Variants in AOAH observed in about 807,000 individuals in gnomAD.
AOAH encodes acyloxyacyl hydrolase.
Under a neutral mutation model 92.2 loss-of-function variants are expected in AOAH, and 64 were observed. The observed-to-expected ratio is 0.69, with a 90% CI of 0.57 to 0.86. AOAH has a LOEUF of 0.86. Among genes scored for constraint, AOAH ranks in the 40% least tolerant of loss-of-function variants. The probability of loss-of-function intolerance (pLI) is 0.00; values close to 1 mark genes in which losing one functional copy is unlikely to be tolerated. For missense variants in AOAH, 656 were observed against 694.6 expected (o/e 0.94, Z 0.62); for synonymous variants, 263 against 254.5 (o/e 1.03, Z -0.32).
At chr7:36,659,822 A>G (rs557893545) in intron 3 of AOAH, among the ~76,000 whole-genome samples, 2 of 138,162 alleles carry the variant, frequency 1.4e-5, no homozygotes, top group South Asian at 2.2e-4. Context: ...AAGCTCGGCC[A>G]TTATAACCCC....
chr7:36,597,619 C>T (rs1790225483), intron 11 of AOAH, among the ~76,000 whole-genome samples: 1 of 152,128 alleles, frequency 6.6e-6, no homozygotes, highest in African/African-American at 2.4e-5. Flanking sequence ...GGTTCTTTTC[C>T]ACCCCACTCC....
At position 36,637,919 on chromosome 7, in the gene AOAH, A is replaced by G; in HGVS notation, c.391-9T>C. On this transcript the variant is annotated splice_polypyrimidine_tract_variant and intron_variant, in intron 4 of 20. Coordinates refer to ENST00000617537, the MANE Select transcript of AOAH (RefSeq NM_001637.4). ...GTAAATTTCCATGTCTCCTATAAAA[A>G]CAAAGTTAGAGAACATTACAACTCA... 6.2e-7 allele frequency: 1 copy of G among 1,606,648 alleles called. No individual in the cohort carries two copies. Among genetic ancestry groups the G allele is most frequent in the South Asian group, 1.1e-5 (1 of 90,856 alleles).
chr7:36,637,754 A>G, intron 5 of AOAH, 97 bp downstream of exon 5: 1 of 1,088,306 alleles, frequency 9.2e-7, no homozygotes, highest in African/African-American at 1.6e-5. Context: ...GCAGGCTTAT[A>G]TCCGGAGTAG....
intron 4 of AOAH, among the ~76,000 whole-genome samples, chr7:36,640,220 A>G (rs1323752709): frequency 3.9e-5 from 6 of 152,166 alleles, no homozygotes; most frequent in African/African-American, 1.2e-4. Context: ...CTGATCCCAG[A>G]TGGACATCCA....
At chr7:36,598,446 A>G (rs182335957) in intron 11 of AOAH, 139 of 152,356 alleles carry the variant, frequency 9.1e-4, no homozygotes, top group African/African-American at 3.2e-3. Flanking sequence ...CTTGGGGAAG[A>G]TGTATTTCAG....
rs182488781 is a variant in AOAH at position 36,635,009 on chromosome 7, A to G, written c.450+2842T>C. On this transcript the variant is annotated intron_variant, in intron 5 of 20. Coordinates refer to ENST00000617537, the MANE Select transcript of AOAH (RefSeq NM_001637.4). Reference sequence around the variant, plus strand: ...TCCTCCTGGTTAGACTGAGGTTTTGATTATCTGGTCTTTTCATTACATAGT... The same window carrying G: ...TCCTCCTGGTTAGACTGAGGTTTTGGTTATCTGGTCTTTTCATTACATAGT... 3.5e-3 allele frequency among the ~76,000 whole-genome samples: 527 copies of G among 152,220 alleles called. 5 individuals carry two copies. Among genetic ancestry groups the G allele is most frequent in the African/African-American group, 0.012 (509 of 41,524 alleles).
intron 13 of AOAH, among the ~76,000 whole-genome samples, chr7:36,575,847 T>C (rs143529509): frequency 6.6e-6 from 1 of 152,226 alleles, no homozygotes; most frequent in Non-Finnish European, 1.5e-5. Flanking sequence ...TAGGTTTAAC[T>C]TCATGTGCCA....
At chr7:36,515,413 T>C (rs1284668494) in intron 20 of AOAH, among the ~76,000 whole-genome samples, 3 of 34,560 alleles carry the variant, frequency 8.7e-5, no homozygotes, top group African/African-American at 1.2e-4. Context: ...CACACAAACA[T>C]CACACACACC....
intron 11 of AOAH, among the ~76,000 whole-genome samples, chr7:36,608,557 CATT>C (rs1465887011): frequency 6.6e-6 from 1 of 152,180 alleles, no homozygotes; most frequent in Non-Finnish European, 1.5e-5. Flanking sequence ...AGGTAGCCAT[CATT>C]ATTTATACTT....
intron 2 of AOAH, among the ~76,000 whole-genome samples, chr7:36,682,857 C>T (rs1455161675): frequency 6.6e-6 from 1 of 151,890 alleles, no homozygotes; most frequent in Admixed American, 6.6e-5. Context: ...ATAGCAAAGA[C>T]AGGCAATGAA....
chr7:36,699,095 G>A (rs568466090), intron 1 of AOAH, among the ~76,000 whole-genome samples: 1 of 151,864 alleles, frequency 6.6e-6, no homozygotes, highest in East Asian at 1.9e-4. Context: ...ACTTAATATA[G>A]GAACCTCCAG....
intron 1 of AOAH, among the ~76,000 whole-genome samples, chr7:36,720,987 A>C (rs1799594565): frequency 6.6e-6 from 1 of 152,098 alleles, no homozygotes; most frequent in African/African-American, 2.4e-5. Context: ...TCTTCCACAC[A>C]CTTCTTCCTC....
At chr7:36,517,204 T>TTCTTTCTTTCTTTCTTTC (rs1783796530) in intron 20 of AOAH, among the ~76,000 whole-genome samples, 1 of 41,316 alleles carries the variant, frequency 2.4e-5, no homozygotes, top group African/African-American at 6.5e-5. Flanking sequence ...CTTTCTTTCT[T>TTCTTTCTTTCTTTCTTTC]TCTTTCTTTC....
intron 6 of AOAH, among the ~76,000 whole-genome samples, chr7:36,626,771 CTTGT>C (rs551438638): frequency 9.6e-4 from 146 of 152,140 alleles, no homozygotes; most frequent in Middle Eastern, 6.8e-3. Context: ...TCCAAGGCTT[CTTGT>C]TTGTTTGTTT....
intron 11 of AOAH, among the ~76,000 whole-genome samples, chr7:36,605,590 T>C (rs1056412844): frequency 6.6e-6 from 1 of 152,214 alleles, no homozygotes; most frequent in Non-Finnish European, 1.5e-5. Context: ...TAAATGCTTT[T>C]CAGAAGTATG....
At chr7:36,595,703 A>G (rs1458889664) in intron 11 of AOAH, among the ~76,000 whole-genome samples, 1 of 152,194 alleles carries the variant, frequency 6.6e-6, no homozygotes, top group African/African-American at 2.4e-5. Flanking sequence ...TTGACTGAGT[A>G]TCTTGTATTT....
intron 4 of AOAH, among the ~76,000 whole-genome samples, chr7:36,638,527 C>T (rs546301547): frequency 6.6e-6 from 1 of 152,244 alleles, no homozygotes; most frequent in South Asian, 2.1e-4. Flanking sequence ...CTCATTACTA[C>T]CAGTAATGAT....
intron 15 of AOAH, among the ~76,000 whole-genome samples, chr7:36,548,008 T>G (rs1358347222): frequency 6.6e-6 from 1 of 152,064 alleles, no homozygotes; most frequent in African/African-American, 2.4e-5. Flanking sequence ...CTTATTTTAT[T>G]AAAAAAAATC....
intron 14 of AOAH, 45 bp from the exon 15 acceptor site, chr7:36,548,731 C>A: frequency 1.3e-6 from 2 of 1,564,638 alleles, no homozygotes; most frequent in Middle Eastern, 1.7e-4. Flanking sequence ...ACTTGGAAAC[C>A]TAGCTTTGTA....
Sources: allele counts gnomAD v4.1 joint callset (sites outside exome capture counted in the v4.1 genomes callset), GRCh38; gene constraint gnomAD v4.1.1; transcripts MANE v1.5; gene names NCBI Gene and HGNC (gene_info 2026-07-23, HGNC 2026-07-21).